The following PLEKHM1 variants were observed in gnomAD, a reference collection of about 807,000 sequenced individuals.
PLEKHM1 encodes pleckstrin homology domain-containing family M member 1.
In PLEKHM1, 28 loss-of-function variants were observed where a neutral mutation model predicts 94.3. That is an observed-to-expected ratio of 0.30 (90% CI 0.22 to 0.41). PLEKHM1 has a LOEUF of 0.41. Ranked by LOEUF, PLEKHM1 falls within the 10% of genes least tolerant of loss-of-function variation. The pLI, the probability that PLEKHM1 is intolerant of heterozygous loss-of-function variation, is 1.00. For synonymous variants in PLEKHM1, 424 were observed against 581.2 expected (o/e 0.73, Z 3.89); for missense variants, 907 against 1,358.6 (o/e 0.67, Z 5.22).
intron 1 of PLEKHM1, among the ~76,000 whole-genome samples, chr17:45,484,276 T>C (rs1393256150): frequency 6.6e-6 from 1 of 152,250 alleles, no homozygotes; most frequent in Non-Finnish European, 1.5e-5. Flanking sequence ...CTTCCCTTTC[T>C]AGGCCTTTTC....
rs2050838975 is a variant in PLEKHM1, at chr17:45,453,511, C to T, written c.2341G>A (p.Glu781Lys). 2 of 1,609,508 alleles carry T rather than the reference C, an allele frequency of 1.2e-6. No homozygotes were observed. Among genetic ancestry groups the T allele is most frequent in the African/African-American group, 2.7e-5 (2 of 74,656 alleles). Residue 781 changes from glutamate to lysine, a missense_variant, in exon 7 of 12, where the codon GAG becomes AAG. Physicochemically the swap from Glu to Lys is moderately conservative, Grantham distance 56. Around this residue, in one of 3 missense-constraint regions of PLEKHM1, gnomAD observed 254 missense variants for 451.1 expected, o/e 0.56. Coordinates refer to ENST00000430334, the MANE Select transcript of PLEKHM1 (RefSeq NM_014798.3). The surrounding 1 kb of genome is among the most constrained non-coding windows in gnomAD (Gnocchi z 4.1). ...LVRKVLASYL[E>K]TAEEAVTLGG... ...AGGGTCACCGCCTCCTCGGCTGTCT[C>T]CAAGTAGGATGCCAGGACTTTGCGG...
intron 6 of PLEKHM1, among the ~76,000 whole-genome samples, chr17:45,455,865 CCA>C (rs1430608084): frequency 6.6e-6 from 1 of 152,174 alleles, no homozygotes; most frequent in Non-Finnish European, 1.5e-5. Flanking sequence ...CCCCAAAACT[CCA>C]CAGTGGCGGC....
intron 11 of PLEKHM1, among the ~76,000 whole-genome samples, chr17:45,438,262 A>G (rs2050331902): frequency 5.3e-5 from 8 of 152,140 alleles, no homozygotes; most frequent in East Asian, 1.9e-4. Flanking sequence ...GGCCAGGCGC[A>G]GTGGCTCACG....
chr17:45,460,393 G>A (rs1217181290), intron 5 of PLEKHM1: 1 of 152,064 alleles, frequency 6.6e-6, no homozygotes, highest in Non-Finnish European at 1.5e-5. Flanking sequence ...CCGAGTAGCT[G>A]GGGTTACAGA....
rs1490709928 is a variant in PLEKHM1, at chr17:45,445,301, A to T, written c.2837+169T>A. ...CCTGCATGTGTGTACATTTGTGCAC[A>T]TGTGCATGGGTGTGGATGTCTATGC... is the stretch of plus-strand genomic sequence containing the variant. On this transcript the variant is annotated intron_variant, in intron 9 of 11. Transcript: ENST00000430334. This position sits in a 1 kb window ranked among gnomAD's most constrained non-coding sequence, Gnocchi z 4.2. 6.6e-6 allele frequency among the ~76,000 whole-genome samples: 1 copy of T among 152,242 alleles called. No individual in the cohort carries two copies. The highest frequency in any genetic ancestry group is 1.5e-5 in the Non-Finnish European group (1 of 68,042).
At chr17:45,441,066 G>C (rs893072529) in intron 9 of PLEKHM1, 1 of 152,296 alleles carries the variant, frequency 6.6e-6, no homozygotes, top group African/African-American at 2.4e-5. Context: ...CAATGGGAGG[G>C]ATCCAGGGGG....
Position 45,436,124 on chromosome 17 carries a change from C to A in PLEKHM1, c.*1734G>T. On this transcript the variant is annotated 3_prime_UTR_variant, in exon 12 of 12. Coordinates refer to ENST00000430334, the MANE Select transcript of PLEKHM1 (RefSeq NM_014798.3). ...GCACTGGCAGCTTCTGGGGAACGGGCCCCCCAGGGCCTCAAACCTGCTGCC... is the reference window on the plus strand; with the variant it reads ...GCACTGGCAGCTTCTGGGGAACGGGACCCCCAGGGCCTCAAACCTGCTGCC... The A allele has an allele frequency of 4.4e-6, 2 of 456,278 alleles. No individual in the cohort carries two copies. The highest frequency in any genetic ancestry group is 8.8e-6 in the Non-Finnish European group (2 of 226,956). The allele number at this position is 456,278 out of a possible 1,614,324, so 28.3% of individuals were successfully genotyped here.
intron 9 of PLEKHM1, 196 bp from the exon 10 acceptor site, chr17:45,440,422 T>C (rs996909350): frequency 1.5e-6 from 1 of 655,286 alleles, no homozygotes; most frequent in African/African-American, 1.8e-5. Context: ...TGGTGGGACC[T>C]TGGGCACGTT....
intron 4 of PLEKHM1, 27 bp downstream of exon 4, chr17:45,475,073 G>T: frequency 6.2e-7 from 1 of 1,613,320 alleles, no homozygotes; most frequent in Non-Finnish European, 8.5e-7. Flanking sequence ...GAGAGAAGAT[G>T]GGAAGGAGTG....
chr17:45,473,717 C>T (rs55746869), intron 4 of PLEKHM1, among the ~76,000 whole-genome samples: 18,940 of 151,970 alleles, frequency 0.12, 1,555 homozygotes, highest in Middle Eastern at 0.21. Flanking sequence ...CGCCACCACG[C>T]CCGGCTAATT....
intron 10 of PLEKHM1, 58 bp from the exon 11 acceptor site, chr17:45,439,692 G>T: frequency 6.2e-7 from 1 of 1,606,696 alleles, no homozygotes; most frequent in Non-Finnish European, 8.5e-7. Context: ...CGGAGGGCTG[G>T]TAAACTGAGG....
intron 4 of PLEKHM1, among the ~76,000 whole-genome samples, chr17:45,474,821 C>T (rs924726863): frequency 4.4e-4 from 67 of 152,278 alleles, no homozygotes; most frequent in Middle Eastern, 3.4e-3. Context: ...CATGAGCCAC[C>T]GCACCCGGCC....
At chr17:45,439,763 C>G in intron 10 of PLEKHM1, 129 bp from the exon 11 acceptor site, 1 of 1,220,290 alleles carries the variant, frequency 8.2e-7, no homozygotes, top group Non-Finnish European at 1.2e-6. Context: ...AGAACTTCTA[C>G]CCCCCGTTTC....
rs2050874655 is a variant in PLEKHM1 at position 45,454,215 on chromosome 17, G to A, written c.1637C>T (p.Ala546Val). ...GAAGAGCTCCTTCCAGATGCCCATTGCCCCCCGCCGCTCCACGGTGCCCAG... is the reference window on the plus strand; with the variant it reads ...GAAGAGCTCCTTCCAGATGCCCATTACCCCCCGCCGCTCCACGGTGCCCAG... ...MKLGTVERRG[A>V]MGIWKELFCE... Residue 546 changes from alanine (A) to valine (V), a missense_variant, in exon 7 of 12, where the codon GCA becomes GTA. By Grantham distance (64) the Ala-to-Val change is moderately conservative. Around this residue, in one of 3 missense-constraint regions of PLEKHM1, gnomAD observed 477 missense variants for 601.5 expected, o/e 0.79. Transcript: ENST00000430334. 3 of 1,606,414 alleles carry A rather than the reference G, an allele frequency of 1.9e-6. No individual in the cohort carries two copies. Among genetic ancestry groups the A allele is most frequent in the Non-Finnish European group, 2.6e-6 (3 of 1,176,086 alleles).
chr17:45,480,576 G>T (rs2051921420), intron 2 of PLEKHM1, among the ~76,000 whole-genome samples: 1 of 152,186 alleles, frequency 6.6e-6, no homozygotes, highest in Non-Finnish European at 1.5e-5. Context: ...TGATTGCCAG[G>T]GGCTGGGAGA....
chr17:45,459,692 TA>T (rs1449308179), intron 5 of PLEKHM1: 2 of 141,558 alleles, frequency 1.4e-5, no homozygotes, highest in Non-Finnish European at 3.1e-5. Flanking sequence ...CTTGAGGAAC[TA>T]CCAAGCTGTT....
intron 6 of PLEKHM1, chr17:45,454,498 T>G: frequency 1.6e-6 from 1 of 621,578 alleles, no homozygotes; most frequent in South Asian, 1.9e-5. Flanking sequence ...ACTGAGAAAA[T>G]AAGAGCACCC....
chr17:45,474,451 T>C (rs1447070502), intron 4 of PLEKHM1, among the ~76,000 whole-genome samples: 1 of 152,172 alleles, frequency 6.6e-6, no homozygotes, highest in African/African-American at 2.4e-5. Flanking sequence ...CACACATCTG[T>C]CTGTCCCCAC....
chr17:45,435,968 A>G lies in PLEKHM1; in HGVS notation c.*1890T>C, dbSNP rs2050242635. On this transcript the variant is annotated 3_prime_UTR_variant, in exon 12 of 12. Coordinates refer to ENST00000430334, the MANE Select transcript of PLEKHM1 (RefSeq NM_014798.3). ...CACACGGCAGCAATTCCTTCAATAC[A>G]TTGCAAAGACTCCTCAGGGCCAGAG... is the stretch of plus-strand genomic sequence containing the variant. The G allele has an allele frequency of 2.2e-6, 1 of 456,558 alleles. No individual in the cohort carries two copies. Among genetic ancestry groups the G allele is most frequent in the Admixed American group, 2.3e-5 (1 of 42,568 alleles). The allele number at this position is 456,558 out of a possible 1,614,324, so 28.3% of individuals were successfully genotyped here.
Sources: gnomAD v4.1 joint callset for allele counts (sites outside exome capture counted in the v4.1 genomes callset) on GRCh38, gnomAD v4.1.1 for gene constraint, gnomAD v4.1.1 regional missense constraint, Gnocchi (gnomAD v3.1) non-coding constraint, MANE v1.5 for transcripts, NCBI Gene and HGNC (gene_info 2026-07-23, HGNC 2026-07-21) for gene names.